NEB: variants seen among roughly 807,000 people sequenced by gnomAD.
The protein encoded by NEB is nemaline myopathy type 2.
NEB carries 512 observed loss-of-function variants against 952.2 expected under a neutral mutation model. That is an observed-to-expected ratio of 0.54 (90% CI 0.50 to 0.58). The LOEUF (loss-of-function observed/expected upper bound fraction) is 0.58, where lower values mean the gene tolerates loss of function less well. Ranked by LOEUF, NEB falls within the 20% of genes least tolerant of loss-of-function variation. The pLI is 0.00. For synonymous variants in NEB, 2,900 were observed against 3,149.8 expected, an observed-to-expected ratio of 0.92 and a Z score of 2.66; for missense variants, 8,428 against 9,231.1, an observed-to-expected ratio of 0.91 and a Z score of 3.56.
Position 151,650,883 on chromosome 2 carries a change from A to G in NEB, c.6918T>C (p.Tyr2306=), listed in dbSNP as rs1399663970. 10 of 1,604,382 alleles carry G rather than the reference A, an allele frequency of 6.2e-6. No individual in the cohort carries two copies. The highest frequency in any genetic ancestry group is 8.5e-6 in the Non-Finnish European group (10 of 1,174,228). ...GCTTTCGGTAGCCTTGTTTGTATTTATACTGAAATCAGAGAAAACACAGCT... is the reference window on the plus strand; with the variant it reads ...GCTTTCGGTAGCCTTGTTTGTATTTGTACTGAAATCAGAGAAAACACAGCT... ...AKASRDIASD[Y]KYKQGYRKQL... is the part of the protein sequence containing the mutation. The change falls in exon 53 of 182, where the codon TAT becomes TAC. Residue 2306 remains tyrosine (Y), a splice_region_variant and synonymous_variant. Coordinates refer to ENST00000397345, the MANE Select transcript of NEB (RefSeq NM_001164508.2).
chr2:151,723,357 G>A, intron 9 of NEB, 25 bp downstream of exon 9: 1 of 1,558,554 alleles, frequency 6.4e-7, no homozygotes, highest in Non-Finnish European at 8.8e-7. Flanking sequence ...GCACACCTAA[G>A]TGGTGCCACT....
chr2:151,614,936 A>G (rs1282894867), intron 76 of NEB, among the ~76,000 whole-genome samples: 4 of 152,242 alleles, frequency 2.6e-5, no homozygotes, highest in African/African-American at 9.6e-5. Flanking sequence ...CTGATGGAAA[A>G]TAACAGTTAT....
Position 151,729,607 on chromosome 2 carries a change from G to T in NEB, c.78+8C>A, listed in dbSNP as rs1178512243. ...ATGCAGTTTATGCAGCTGTGGGCTG[G>T]GCCTTACCTCTCCCGGCACCTCTTC... On this transcript the variant is annotated splice_region_variant and intron_variant, in intron 4 of 181. Transcript: ENST00000397345. 2.5e-6 allele frequency: 4 copies of T among 1,613,002 alleles called. No homozygotes were observed. The East Asian group carries it at 6.7e-5, about 27-fold the overall frequency.
In NEB at chr2:151,679,940, A is replaced by C; in HGVS notation, c.3125T>G (p.Val1042Gly). 2.5e-6 allele frequency: 4 copies of C among 1,613,382 alleles called. No individual in the cohort carries two copies. The highest frequency in any genetic ancestry group is 3.4e-6 in the Non-Finnish European group (4 of 1,179,320). ...CACCTCACTGATATTGTAGGCATTAACTTTAGCCTGGATGAACTGGGGCAG... is the reference window on the plus strand; with the variant it reads ...CACCTCACTGATATTGTAGGCATTACCTTTAGCCTGGATGAACTGGGGCAG... ...PDLPQFIQAKVNAYNISENMY... is the reference protein window; with the variant it reads ...PDLPQFIQAKGNAYNISENMY... The change falls in exon 31 of 182, where the codon GTT becomes GGT. Residue 1042 changes from valine to glycine, a missense_variant. Coordinates refer to ENST00000397345, the MANE Select transcript of NEB (RefSeq NM_001164508.2).
chr2:151,568,758 G>A, intron 110 of NEB, 42 bp from the exon 111 acceptor site: 5 of 1,388,838 alleles, frequency 3.6e-6, no homozygotes, highest in Non-Finnish European at 5.0e-6. Flanking sequence ...GTAATTCCTA[G>A]ACATGTGTGA....
In NEB at chr2:151,496,996, A is replaced by G. The variant is rs1057524553; in HGVS notation, c.24338T>C (p.Leu8113Pro). Residue 8113 changes from leucine (L) to proline (P), a missense_variant, in exon 172 of 182, where the codon CTA becomes CCA. Leu to Pro is a moderately conservative substitution (Grantham distance 98, BLOSUM62 -3). Around this residue, in one of 11 missense-constraint regions of NEB, gnomAD observed 3,374 missense variants for 3,651.5 expected, o/e 0.92. Transcript: ENST00000397345. ...YKENMGKGTP[L>P]PVTPEMERVK... ...TCTCTCCATCTCAGGAGTGACAGGT[A>G]GAGGGGTTCCCTTGCCCATGTTTTC... is the stretch of plus-strand genomic sequence containing the variant. The G allele has an allele frequency of 1.3e-6, 2 of 1,578,994 alleles. No individual in the cohort carries two copies. The highest frequency in any genetic ancestry group is 1.3e-5 in the African/African-American group (1 of 74,406).
intron 178 of NEB, 39 bp downstream of exon 178, chr2:151,492,059 C>T (rs2152818851): frequency 1.3e-6 from 2 of 1,596,338 alleles, no homozygotes; most frequent in East Asian, 4.5e-5. Context: ...TACCCCCTCA[C>T]TTAAAGTTAA....
intron 27 of NEB, among the ~76,000 whole-genome samples, chr2:151,687,023 A>T (rs1043255592): frequency 7.9e-5 from 12 of 152,044 alleles, no homozygotes; most frequent in Non-Finnish European, 1.6e-4. Context: ...GAAGAACGAT[A>T]CTCTATTAAG....
At chr2:151,523,260 G>T (rs930355689) in intron 153 of NEB, among the ~76,000 whole-genome samples, 1 of 152,044 alleles carries the variant, frequency 6.6e-6, no homozygotes. Context: ...ATGTTACATA[G>T]GAATTTTAAG....
chr2:151,610,784 C>T lies in NEB; in HGVS notation c.11888G>A (p.Ser3963Asn). The change falls in exon 79 of 182, where the codon AGT becomes AAT. Residue 3963 changes from serine (S) to asparagine (N), a missense_variant. Coordinates refer to ENST00000397345, the MANE Select transcript of NEB (RefSeq NM_001164508.2). ...TACTTGGCTGATATTGGCAGAATTA[C>T]TCTTGGCCAGCAGGATATCTGGGGT... ...PDTPDILLAK[S>N]NSANISQKLY... 6.2e-7 allele frequency: 1 copy of T among 1,609,174 alleles called. No homozygotes were observed. Among genetic ancestry groups the T allele is most frequent in the Admixed American group, 1.7e-5 (1 of 59,306 alleles).
rs2099554402 is a variant in NEB, at chr2:151,691,960, G to A, written c.2115C>T (p.Tyr705=). The change falls in exon 23 of 182, where the codon TAC becomes TAT. Residue 705 remains tyrosine, a synonymous_variant. Transcript: ENST00000397345. ...CTTTATCTTCTTCATATTCTGCTTT[G>A]TAACTTTTCTATAATGAGAAAAACC... The part of the protein sequence containing the change: ...KVAAQNSDKS[Y]KAEYEEDKGK... 4 of 1,611,354 alleles carry A rather than the reference G, an allele frequency of 2.5e-6. No individual in the cohort carries two copies. The highest frequency in any genetic ancestry group is 1.7e-5 in the Admixed American group (1 of 59,674).
At chr2:151,617,302 G>C in intron 75 of NEB, 62 bp downstream of exon 75, 1 of 1,147,994 alleles carries the variant, frequency 8.7e-7, no homozygotes, top group Non-Finnish European at 1.3e-6. Context: ...TTTTCCTAAG[G>C]AAACAGCTAC....
intron 120 of NEB, 57 bp downstream of exon 120, chr2:151,562,554 G>T: frequency 7.0e-7 from 1 of 1,434,824 alleles, no homozygotes. Flanking sequence ...TTGGGGGGTA[G>T]CCAAGACACA....
rs541423786 is a variant in NEB at position 151,512,634 on chromosome 2, A to G, written c.23346+99T>C. 1.1e-4 allele frequency: 106 copies of G among 925,176 alleles called. No individual in the cohort carries two copies. In the African/African-American group the frequency reaches 1.7e-3, roughly 15 times the overall value. 57.3% of individuals were successfully genotyped at this position (925,176 alleles called of 1,614,324 possible). On this transcript the variant is annotated intron_variant, in intron 161 of 181. Coordinates refer to ENST00000397345, the MANE Select transcript of NEB (RefSeq NM_001164508.2). Reference sequence around the variant, plus strand: ...TGGTGAATCTCTTTTTTATTGGGAAAAACTGATCTGAAGAATCTCTTAAGG... The same window carrying G: ...TGGTGAATCTCTTTTTTATTGGGAAGAACTGATCTGAAGAATCTCTTAAGG...
rs146637177 is a variant in NEB at position 151,531,828 on chromosome 2, G to A, written c.21486C>T (p.His7162=). ...KFTSIVDTPE[H]LRTTKVNKQI... is the part of the protein sequence containing the mutation. Reference sequence around the variant, plus strand: ...GTTTGTTGACTTTTGTAGTACGCAGGTGTTCTGGAGTATCCACAATTGAGG... The same window carrying A: ...GTTTGTTGACTTTTGTAGTACGCAGATGTTCTGGAGTATCCACAATTGAGG... Residue 7162 remains histidine (H), a synonymous_variant, in exon 144 of 182, where the codon CAC becomes CAT. Coordinates refer to ENST00000397345, the MANE Select transcript of NEB (RefSeq NM_001164508.2). 13 of 1,613,102 alleles carry A rather than the reference G, an allele frequency of 8.1e-6. No homozygotes were observed. The East Asian group carries it at 2.7e-4, about 33-fold the overall frequency.
chr2:151,508,168 G>A, intron 161 of NEB, 59 bp from the exon 162 acceptor site: 1 of 1,180,906 alleles, frequency 8.5e-7, no homozygotes, highest in Non-Finnish European at 1.2e-6. Context: ...AGGCCAATGG[G>A]ACCTAAAATA....
rs1011607909 is a variant in NEB at position 151,519,602 on chromosome 2, A to C, written c.22590+56T>G. 2.3e-6 allele frequency: 3 copies of C among 1,304,020 alleles called. No homozygotes were observed. The African/African-American group carries it at 4.4e-5, about 19-fold the overall frequency. The allele number at this position is 1,304,020 out of a possible 1,614,324, so 80.8% of individuals were successfully genotyped here. ...ATGCTACTGAATTGCACACTTAAAA[A>C]CAGTTAAAATGGCAAATACCATGTT... is the stretch of plus-strand genomic sequence containing the variant. On this transcript the variant is annotated intron_variant, in intron 154 of 181. Coordinates refer to ENST00000397345, the MANE Select transcript of NEB (RefSeq NM_001164508.2).
rs201885553 is a variant in NEB at position 151,682,993 on chromosome 2, CT to C, written c.2836-225del. 6.5e-3 allele frequency among the ~76,000 whole-genome samples: 992 copies of C among 152,264 alleles called. 12 individuals carry two copies. Among genetic ancestry groups the C allele is most frequent in the East Asian group, 0.057 (294 of 5,182 alleles). On this transcript the variant is annotated intron_variant, in intron 28 of 181. Coordinates refer to ENST00000397345, the MANE Select transcript of NEB (RefSeq NM_001164508.2). ...TGTTCCATTTCATCCTTATTTCCAA[CT>C]TAATGGAAGTCTGTGGTACTCTAAT...
chr2:151,636,275 G>T lies in NEB; in HGVS notation c.9054C>A (p.Asp3018Glu), dbSNP rs748395516. ...CCTTGGCCGCCACGATGGGGATGGC[G>T]TCGCTTCGCAAGTCATAGCCTTTCT... The part of the protein sequence containing the change: ...AKKKGYDLRS[D>E]AIPIVAAKAS... The change falls in exon 64 of 182, where the codon GAC becomes GAA. Residue 3018 changes from aspartate (D) to glutamate (E), a missense_variant. Around this residue, in one of 11 missense-constraint regions of NEB, gnomAD observed 1,772 missense variants for 1,960.3 expected, o/e 0.90. Coordinates refer to ENST00000397345, the MANE Select transcript of NEB (RefSeq NM_001164508.2). 7.5e-6 allele frequency: 12 copies of T among 1,610,048 alleles called. No homozygotes were observed. Among genetic ancestry groups the T allele is most frequent in the Non-Finnish European group, 1.0e-5 (12 of 1,179,746 alleles).
Sources: gnomAD v4.1 joint callset for allele counts (sites outside exome capture counted in the v4.1 genomes callset) on GRCh38, gnomAD v4.1.1 for gene constraint, gnomAD v4.1.1 regional missense constraint, MANE v1.5 for transcripts, NCBI Gene and HGNC (gene_info 2026-07-23, HGNC 2026-07-21) for gene names.